Variants in GRIP1 observed in about 807,000 individuals in gnomAD.
GRIP1 encodes glutamate receptor interacting protein 1.
A neutral mutation model predicts 129.9 loss-of-function variants in GRIP1; 45 were observed. The observed-to-expected ratio is 0.35, with a 90% CI of 0.27 to 0.44. GRIP1 has a LOEUF of 0.44. GRIP1 is among the 20% of genes least tolerant of loss of function. The pLI is 1.00. For missense variants in GRIP1, 1,196 were observed against 1,396.8 expected (o/e 0.86, Z 2.29); for synonymous variants, 530 against 520.8 (o/e 1.02, Z -0.24).
At chr12:67,036,057 C>T (rs998994358) in intron 1 of GRIP1, among the ~76,000 whole-genome samples, 3 of 152,154 alleles carry the variant, frequency 2.0e-5, no homozygotes, top group Non-Finnish European at 4.4e-5. Context: ...CTAAAATTTA[C>T]ATCAAAATTG....
At chr12:66,430,658 G>A (rs2058120795) in intron 14 of GRIP1, among the ~76,000 whole-genome samples, 1 of 152,086 alleles carries the variant, frequency 6.6e-6, no homozygotes, top group Non-Finnish European at 1.5e-5. Flanking sequence ...ATACACCATA[G>A]GGTATTTTTA....
chr12:66,557,762 G>C (rs978789056), intron 2 of GRIP1, among the ~76,000 whole-genome samples: 1 of 152,086 alleles, frequency 6.6e-6, no homozygotes, highest in Non-Finnish European at 1.5e-5. Context: ...AAAATCTCTT[G>C]AAACAAATAA....
At chr12:66,361,803 A>G (rs1034996464) in intron 23 of GRIP1, among the ~76,000 whole-genome samples, 1 of 151,700 alleles carries the variant, frequency 6.6e-6, no homozygotes, top group Non-Finnish European at 1.5e-5. Flanking sequence ...CCTTTTCCCA[A>G]TTCCCTCTGC....
intron 1 of GRIP1, among the ~76,000 whole-genome samples, chr12:66,714,857 C>T (rs190044340): frequency 2.5e-4 from 38 of 150,002 alleles, no homozygotes; most frequent in Non-Finnish European, 4.9e-4. Context: ...CACCCCCCTA[C>T]CAACTCACCC....
At chr12:66,935,100 T>A (rs866788086) in intron 1 of GRIP1, among the ~76,000 whole-genome samples, 3 of 152,318 alleles carry the variant, frequency 2.0e-5, no homozygotes, top group Non-Finnish European at 4.4e-5. Context: ...AACAAAGAGA[T>A]GAACTTGTGC....
intron 1 of GRIP1, among the ~76,000 whole-genome samples, chr12:66,952,740 C>A (rs532723041): frequency 1.6e-3 from 243 of 152,288 alleles, no homozygotes; most frequent in African/African-American, 5.2e-3. Flanking sequence ...TTCATGACCA[C>A]AATTCAATCT....
In GRIP1 at chr12:66,723,300, CTTTCTTTTTTTT is replaced by C. The variant is rs1565988107; in HGVS notation, c.-420+80741_-420+80752del. On this transcript the variant is annotated intron_variant, in intron 1 of 4. Coordinates refer to the GRIP1 transcript ENST00000538373. ...CCTTCCTTCCTTTCTTTCTTTCTTT[CTTTCTTTTTTTT>C]TTTTTTTTTTTTTTTTTTGAGACAG... Among the ~76,000 whole-genome samples the C allele has an allele frequency of 5.4e-3, 227 of 42,406 alleles. 2 individuals carry two copies. The highest frequency in any genetic ancestry group is 0.014 in the Middle Eastern group (1 of 74). 27.8% of individuals were successfully genotyped at this position (42,406 alleles called of 152,430 possible). A position where few individuals can be genotyped will look rare whatever the true frequency, so the allele number is the denominator to read the frequency against.
At chr12:66,828,049 T>C (rs1415301860) in intron 1 of GRIP1, among the ~76,000 whole-genome samples, 1 of 152,282 alleles carries the variant, frequency 6.6e-6, no homozygotes, top group Admixed American at 6.5e-5. Context: ...TTGCCCTAAT[T>C]TGGGGACTCC....
At chr12:66,393,189 TTTTTTTTG>T (rs2056658149) in intron 17 of GRIP1, among the ~76,000 whole-genome samples, 1 of 141,158 alleles carries the variant, frequency 7.1e-6, no homozygotes, top group African/African-American at 2.7e-5. Flanking sequence ...TTTTTTTTTT[TTTTTTTTG>T]AGACAGAGCC....
intron 1 of GRIP1, among the ~76,000 whole-genome samples, chr12:66,775,504 A>G (rs2037951552): frequency 6.6e-6 from 1 of 152,118 alleles, no homozygotes; most frequent in African/African-American, 2.4e-5. Flanking sequence ...TTTTAGCTTT[A>G]AACATTTGTC....
rs191465032 is a variant in GRIP1 at position 66,575,061 on chromosome 12, C to G, written c.136+21786G>C. On this transcript the variant is annotated intron_variant, in intron 2 of 24. Transcript: ENST00000359742. ...TATTGGGATTACAGGCATTAGCCAC[C>G]GTGCCCGGCCTCCATTCCCACTTTT... is the stretch of plus-strand genomic sequence containing the variant. Among the ~76,000 whole-genome samples the G allele has an allele frequency of 3.9e-5, 6 of 152,278 alleles. No individual in the cohort carries two copies. The East Asian group carries it at 5.8e-4, about 15-fold the overall frequency.
intron 1 of GRIP1, among the ~76,000 whole-genome samples, chr12:66,985,124 G>A (rs758116851): frequency 1.3e-5 from 2 of 152,162 alleles, no homozygotes; most frequent in Non-Finnish European, 2.9e-5. Flanking sequence ...CTTCCAAGCA[G>A]CATGCCTAAA....
intron 1 of GRIP1, among the ~76,000 whole-genome samples, chr12:66,769,466 T>C (rs1313426457): frequency 1.3e-5 from 2 of 152,040 alleles, no homozygotes; most frequent in Non-Finnish European, 2.9e-5. Context: ...GACTCAAGCA[T>C]GAAAAGGCCA....
intron 1 of GRIP1, among the ~76,000 whole-genome samples, chr12:66,835,297 C>G (rs994501897): frequency 2.6e-5 from 4 of 152,114 alleles, no homozygotes; most frequent in African/African-American, 9.7e-5. Context: ...TAAACATACT[C>G]TTACCATTTG....
intron 1 of GRIP1, among the ~76,000 whole-genome samples, chr12:66,922,707 T>C (rs1462664375): frequency 1.3e-5 from 2 of 152,222 alleles, no homozygotes; most frequent in African/African-American, 4.8e-5. Context: ...CAAAGGGAAC[T>C]GACTCAGTTG....
chr12:66,444,263 G>T (rs939352989), intron 13 of GRIP1, among the ~76,000 whole-genome samples: 1 of 151,504 alleles, frequency 6.6e-6, no homozygotes, highest in African/African-American at 2.4e-5. Context: ...GAGGCGGGTG[G>T]ATCATGAGGT....
At chr12:66,362,142 C>CT (rs10589880) in intron 23 of GRIP1, among the ~76,000 whole-genome samples, 4,021 of 91,586 alleles carry the variant, frequency 0.044, 138 homozygotes, top group African/African-American at 0.067. Flanking sequence ...CCAATTTAAT[C>CT]TTTTTTTTTT....
chr12:66,701,302 G>A (rs1362343858), intron 1 of GRIP1, among the ~76,000 whole-genome samples: 1 of 152,024 alleles, frequency 6.6e-6, no homozygotes, highest in African/African-American at 2.4e-5. Context: ...CCTTTGAGTA[G>A]CTCCAAGCTG....
chr12:66,861,624 G>T (rs2040113735), intron 1 of GRIP1, among the ~76,000 whole-genome samples: 1 of 152,032 alleles, frequency 6.6e-6, no homozygotes, highest in South Asian at 2.1e-4. Flanking sequence ...TTCTTCTGAA[G>T]AAAAATCTAG....
Sources: gnomAD v4.1 joint callset for allele counts (sites outside exome capture counted in the v4.1 genomes callset) on GRCh38, gnomAD v4.1.1 for gene constraint, MANE v1.5 for transcripts, NCBI Gene and HGNC (gene_info 2026-07-23, HGNC 2026-07-21) for gene names.